TBL1X: variants seen among roughly 807,000 people sequenced by gnomAD.
The protein encoded by TBL1X is transducin beta like 1 X-linked.
Under a neutral mutation model 50.7 loss-of-function variants are expected in TBL1X, and 10 were observed. That is an observed-to-expected ratio of 0.20 (90% confidence interval 0.12 to 0.33). TBL1X has a LOEUF of 0.33. TBL1X is among the 10% of genes least tolerant of loss of function. TBL1X has a pLI of 1.00. For synonymous variants in TBL1X, 190 were observed against 214.7 expected (o/e 0.88, Z 1.01); for missense variants, 340 against 504.4 (o/e 0.67, Z 3.12).
chrX:9,647,002 T>C (rs2082808305), intron 3 of TBL1X, among the ~76,000 whole-genome samples: 1 of 112,039 alleles, frequency 8.9e-6, no homozygotes, highest in Non-Finnish European at 1.9e-5. Flanking sequence ...GATTCTACTT[T>C]TTAAGATAAT....
intron 2 of TBL1X, among the ~76,000 whole-genome samples, chrX:9,565,715 C>T (rs924934369): frequency 9.0e-6 from 1 of 111,313 alleles, no homozygotes; most frequent in African/African-American, 3.3e-5. Flanking sequence ...CCTGTGGTCC[C>T]AGCCACTGGA....
intron 2 of TBL1X, among the ~76,000 whole-genome samples, chrX:9,625,377 T>C (rs986628702): frequency 8.9e-6 from 1 of 112,151 alleles, no homozygotes; most frequent in African/African-American, 3.2e-5. Flanking sequence ...AGTGTAACTA[T>C]AAAGCATTGT....
At chrX:9,698,691 G>C (rs1369750588) in intron 12 of TBL1X, among the ~76,000 whole-genome samples, 1 of 112,151 alleles carries the variant, frequency 8.9e-6, no homozygotes, top group East Asian at 2.8e-4. Flanking sequence ...AGTGTTAGCA[G>C]AGTGAGCCGC....
rs1260920202 is a variant in TBL1X, at chrX:9,601,532, A to C, written c.-130-38741A>C. Among the ~76,000 whole-genome samples, 5 of 111,151 alleles carry C rather than the reference A, an allele frequency of 4.5e-5. No homozygotes were observed. In the South Asian group the frequency reaches 1.9e-3, roughly 42 times the overall value. On this transcript the variant is annotated intron_variant, in intron 2 of 17. Coordinates refer to ENST00000645353, the MANE Select transcript of TBL1X (RefSeq NM_005647.4). The stretch of plus-strand genomic sequence containing the variant: ...ACTTGGGGATGATTATAGTTCAAGG[A>C]CATAAGGCCTAGTGGTGTCTTTCAT...
At chrX:9,711,492 A>T in intron 15 of TBL1X, 119 bp from the exon 16 acceptor site, 1 of 702,017 alleles carries the variant, frequency 1.4e-6, no homozygotes, top group Non-Finnish European at 1.9e-6. Context: ...CTTTTTAGTT[A>T]TTATCTTTTG....
At chrX:9,705,451 A>T (rs890071073) in intron 13 of TBL1X, among the ~76,000 whole-genome samples, 2 of 111,797 alleles carry the variant, frequency 1.8e-5, no homozygotes, top group South Asian at 7.5e-4. Flanking sequence ...ATAGAAAAAA[A>T]AATCATTAAA....
chrX:9,580,615 C>G (rs2082435813), intron 2 of TBL1X, among the ~76,000 whole-genome samples: 1 of 111,087 alleles, frequency 9.0e-6, no homozygotes, highest in Non-Finnish European at 1.9e-5. Context: ...CTTTCACATA[C>G]ACATTTGAGG....
intron 2 of TBL1X, among the ~76,000 whole-genome samples, chrX:9,537,815 G>T (rs1259455806): frequency 8.9e-6 from 1 of 112,331 alleles, no homozygotes; most frequent in Admixed American, 9.4e-5. Flanking sequence ...ACATAGTCAT[G>T]TGTGGCTAGT....
chrX:9,578,619 A>C (rs2082424652), intron 2 of TBL1X, among the ~76,000 whole-genome samples: 1 of 111,977 alleles, frequency 8.9e-6, no homozygotes, highest in Admixed American at 9.5e-5. Flanking sequence ...CCCTGTGCTC[A>C]GTACAAATGG....
intron 1 of TBL1X, among the ~76,000 whole-genome samples, chrX:9,467,880 G>A (rs1410703532): frequency 5.4e-5 from 6 of 112,057 alleles, no homozygotes; most frequent in Non-Finnish European, 1.1e-4. Flanking sequence ...GAGGAGAGAC[G>A]TTTCAGATCT....
Position 9,684,029 on chromosome X carries a change from C to A in TBL1X, c.212-14C>A, listed in dbSNP as rs2083041507. 1.7e-6 allele frequency: 2 copies of A among 1,211,842 alleles called. No individual in the cohort carries two copies. The highest frequency in any genetic ancestry group is 3.5e-5 in the African/African-American group (2 of 57,792). ...CGGGTCTCACTCAACCTCAGCTTTCCCCTCTTGCCACAGGTTTTTCCCACT... is the reference window on the plus strand; with the variant it reads ...CGGGTCTCACTCAACCTCAGCTTTCACCTCTTGCCACAGGTTTTTCCCACT... On this transcript the variant is annotated splice_polypyrimidine_tract_variant and intron_variant, in intron 5 of 17. Transcript: ENST00000645353.
intron 1 of TBL1X, among the ~76,000 whole-genome samples, chrX:9,485,457 T>G (rs1229605141): frequency 1.8e-5 from 2 of 111,843 alleles, no homozygotes; most frequent in African/African-American, 6.5e-5. Flanking sequence ...AAGGGGCAGA[T>G]ACCAAGAATA....
At chrX:9,713,426 CTTTTTT>C (rs1159464236) in intron 16 of TBL1X, among the ~76,000 whole-genome samples, 2 of 78,501 alleles carry the variant, frequency 2.5e-5, no homozygotes, top group Non-Finnish European at 4.7e-5. Context: ...TAGGACTTTT[CTTTTTT>C]TTTTTTTTTT....
chrX:9,539,536 G>A (rs745504613), intron 2 of TBL1X, among the ~76,000 whole-genome samples: 55 of 111,286 alleles, frequency 4.9e-4, no homozygotes, highest in African/African-American at 1.6e-3. Context: ...ATTCTTTGAC[G>A]TGGCTCCGAT....
intron 5 of TBL1X, among the ~76,000 whole-genome samples, chrX:9,676,932 C>G (rs1270292781): frequency 1.8e-5 from 2 of 111,788 alleles, no homozygotes; most frequent in African/African-American, 6.5e-5. Context: ...TGAGACTAAT[C>G]CATCATTGTT....
chrX:9,664,784 T>C (rs1233941524), intron 5 of TBL1X, among the ~76,000 whole-genome samples: 2 of 111,500 alleles, frequency 1.8e-5, no homozygotes, highest in African/African-American at 6.5e-5. Flanking sequence ...AGCCCATTCA[T>C]TGAGATCAGG....
intron 2 of TBL1X, among the ~76,000 whole-genome samples, chrX:9,511,460 A>G (rs1264328710): frequency 1.8e-5 from 2 of 112,328 alleles, no homozygotes; most frequent in Non-Finnish European, 3.8e-5. Flanking sequence ...ATTAGGGTTT[A>G]TCAGAAAGAC....
At chrX:9,553,709 T>A (rs1349549214) in intron 2 of TBL1X, among the ~76,000 whole-genome samples, 1 of 112,234 alleles carries the variant, frequency 8.9e-6, no homozygotes, top group Admixed American at 9.5e-5. Context: ...TCTACTAGTG[T>A]GATTTATGCT....
intron 3 of TBL1X, among the ~76,000 whole-genome samples, chrX:9,647,185 C>T (rs2082809368): frequency 9.0e-6 from 1 of 110,984 alleles, no homozygotes; most frequent in South Asian, 3.8e-4. Flanking sequence ...GACTTTTGGC[C>T]ACCTTGAAAC....
Sources: gnomAD v4.1 joint callset for allele counts (sites outside exome capture counted in the v4.1 genomes callset) on GRCh38, gnomAD v4.1.1 for gene constraint, MANE v1.5 for transcripts, NCBI Gene and HGNC (gene_info 2026-07-23, HGNC 2026-07-21) for gene names.